Variants in NEK10 observed in about 807,000 individuals in gnomAD.
The protein encoded by NEK10 is serine/threonine-protein kinase Nek10.
Under a neutral mutation model 159.8 loss-of-function variants are expected in NEK10, and 122 were observed. The observed-to-expected ratio is 0.76, with a 90% confidence interval of 0.66 to 0.89. NEK10 has a LOEUF of 0.89. Among genes scored for constraint, NEK10 ranks in the 40% least tolerant of loss-of-function variants. The pLI is 0.00. For synonymous variants in NEK10, 466 were observed against 457.1 expected (o/e 1.02, Z -0.25); for missense variants, 1,342 against 1,323.1 (o/e 1.01, Z -0.22).
rs535089115 is a variant in NEK10 at position 27,312,143 on chromosome 3, T to C, written c.524A>G (p.Tyr175Cys). Residue 175 changes from tyrosine to cysteine, a missense_variant, in exon 8 of 36, where the codon TAT becomes TGT. Transcript: ENST00000691995. Reference sequence around the variant, plus strand: ...GTCCACAGTGTGCTGCTCTTCTCCATAGCCGAGGTACTCATTGGCTACAAT... The same window carrying C: ...GTCCACAGTGTGCTGCTCTTCTCCACAGCCGAGGTACTCATTGGCTACAAT... ...MEIVANEYLG[Y>C]GEEQHTVDKL... The C allele has an allele frequency of 4.3e-6, 7 of 1,612,440 alleles. No individual in the cohort carries two copies. The highest frequency in any genetic ancestry group is 4.0e-5 in the African/African-American group (3 of 75,028).
At chr3:27,251,270 G>A (rs1190422285) in intron 23 of NEK10, among the ~76,000 whole-genome samples, 4 of 152,112 alleles carry the variant, frequency 2.6e-5, no homozygotes, top group African/African-American at 2.4e-5. Flanking sequence ...CAATACCATG[G>A]TCTTTTTCCA....
chr3:27,239,087 G>A (rs1954278145), intron 23 of NEK10, among the ~76,000 whole-genome samples: 2 of 151,920 alleles, frequency 1.3e-5, no homozygotes, highest in African/African-American at 4.8e-5. Context: ...CCAATCAAAG[G>A]TACTTTCCAT....
intron 22 of NEK10, among the ~76,000 whole-genome samples, chr3:27,270,253 A>G (rs868505865): frequency 3.3e-5 from 5 of 152,296 alleles, no homozygotes; most frequent in Non-Finnish European, 2.9e-5. Context: ...AAGAGGTTAT[A>G]TAGAGAAGAG....
rs2042725371 is a variant in NEK10, at chr3:27,287,801, ACT to A, written c.1744-60_1744-59del. ...ACTGCTTCAAAATACAAGTTTTTTC[ACT>A]GACTACTTAGTTGGACTTCATATTT... On this transcript the variant is annotated intron_variant, in intron 19 of 35. Coordinates refer to ENST00000691995, the MANE Select transcript of NEK10 (RefSeq NM_001394966.1). 5.5e-6 allele frequency: 8 copies of A among 1,457,678 alleles called. No homozygotes were observed. In the Admixed American group the frequency reaches 1.7e-4, roughly 31 times the overall value. 90.3% of individuals were successfully genotyped at this position (1,457,678 alleles called of 1,614,324 possible).
chr3:27,141,648 A>C, intron 30 of NEK10, 66 bp from the exon 31 acceptor site: 1 of 1,259,216 alleles, frequency 7.9e-7, no homozygotes, highest in Non-Finnish European at 1.1e-6. Context: ...GAAAAAATGA[A>C]GTAAAATTCT....
chr3:27,136,402 G>A (rs752366817), intron 31 of NEK10, among the ~76,000 whole-genome samples: 8 of 151,884 alleles, frequency 5.3e-5, no homozygotes, highest in African/African-American at 1.2e-4. Flanking sequence ...GTGAGCCACC[G>A]CGCCCGGCCC....
intron 23 of NEK10, among the ~76,000 whole-genome samples, chr3:27,238,501 T>C (rs2149247890): frequency 6.6e-6 from 1 of 152,282 alleles, no homozygotes; most frequent in East Asian, 1.9e-4. Context: ...TTTTTTCAGA[T>C]TTGAAGTTTT....
At chr3:27,248,519 T>C (rs1955325914) in intron 23 of NEK10, among the ~76,000 whole-genome samples, 1 of 152,212 alleles carries the variant, frequency 6.6e-6, no homozygotes, top group Admixed American at 6.5e-5. Context: ...CTCTTGGTAC[T>C]ACTTTCACTG....
intron 23 of NEK10, among the ~76,000 whole-genome samples, chr3:27,203,829 G>T (rs1016711366): frequency 6.6e-6 from 1 of 152,246 alleles, no homozygotes; most frequent in Non-Finnish European, 1.5e-5. Flanking sequence ...GTATGTATTT[G>T]CAAAGAAAAG....
intron 32 of NEK10, among the ~76,000 whole-genome samples, chr3:27,120,832 T>C (rs2125448162): frequency 6.6e-6 from 1 of 152,308 alleles, no homozygotes; most frequent in African/African-American, 2.4e-5. Flanking sequence ...CCTTTCACCT[T>C]TAATTCCAAT....
At chr3:27,182,989 G>A (rs574454787) in intron 26 of NEK10, among the ~76,000 whole-genome samples, 1 of 152,068 alleles carries the variant, frequency 6.6e-6, no homozygotes, top group African/African-American at 2.4e-5. Flanking sequence ...AAGATAAAAG[G>A]AATAAGATTT....
chr3:27,167,530 G>C (rs545248281), intron 29 of NEK10, among the ~76,000 whole-genome samples: 2 of 152,292 alleles, frequency 1.3e-5, no homozygotes, highest in South Asian at 4.1e-4. Context: ...CCACTATACA[G>C]AGTATTTTAT....
chr3:27,304,279 C>T (rs2044062138), intron 12 of NEK10, among the ~76,000 whole-genome samples: 1 of 152,170 alleles, frequency 6.6e-6, no homozygotes, highest in Non-Finnish European at 1.5e-5. Flanking sequence ...GATTGTACAC[C>T]TGCTCCTTTC....
intron 12 of NEK10, among the ~76,000 whole-genome samples, chr3:27,302,220 G>A (rs2043884334): frequency 6.6e-6 from 1 of 152,088 alleles, no homozygotes; most frequent in African/African-American, 2.4e-5. Context: ...TCTTGGAAAT[G>A]TTTGGCCCTT....
chr3:27,261,202 T>C (rs2040383806), intron 22 of NEK10, among the ~76,000 whole-genome samples: 1 of 152,166 alleles, frequency 6.6e-6, no homozygotes, highest in African/African-American at 2.4e-5. Context: ...TTTGAAGGGT[T>C]TTTTTGTGTC....
chr3:27,153,481 C>A (rs1398952280), intron 30 of NEK10, among the ~76,000 whole-genome samples: 1 of 152,134 alleles, frequency 6.6e-6, no homozygotes. Flanking sequence ...CAGAACATTT[C>A]ATCCAACAAC....
intron 15 of NEK10, 111 bp from the exon 16 acceptor site, chr3:27,293,763 T>C (rs2043161762): frequency 3.5e-6 from 2 of 575,650 alleles, no homozygotes; most frequent in East Asian, 5.7e-5. Flanking sequence ...TGTAAGTGGC[T>C]GGTCCAAGTT....
intron 22 of NEK10, among the ~76,000 whole-genome samples, chr3:27,260,166 C>G (rs181613244): frequency 6.6e-6 from 1 of 152,126 alleles, no homozygotes; most frequent in Non-Finnish European, 1.5e-5. Flanking sequence ...CATCTGCAAA[C>G]GGGGACAATT....
rs1215056701 is a variant in NEK10 at position 27,304,839 on chromosome 3, G to A, written c.936C>T (p.Val312=). The A allele has an allele frequency of 6.2e-7, 1 of 1,613,832 alleles. No individual in the cohort carries two copies. Among genetic ancestry groups the A allele is most frequent in the South Asian group, 1.1e-5 (1 of 91,074 alleles). ...CCTCACAAACCTGTACCAGAATCCAGACAATGCTCCAGAGGAGCTTCAAGT... is the reference window on the plus strand; with the variant it reads ...CCTCACAAACCTGTACCAGAATCCAAACAATGCTCCAGAGGAGCTTCAAGT... The part of the protein sequence containing the change: ...SDHLKLLWSI[V]WILVQVCEDP... Residue 312 remains valine, a synonymous_variant, in exon 12 of 36, where the codon GTC becomes GTT. Transcript: ENST00000691995.
Sources: gnomAD v4.1 joint callset for allele counts (sites outside exome capture counted in the v4.1 genomes callset) on GRCh38, gnomAD v4.1.1 for gene constraint, MANE v1.5 for transcripts, NCBI Gene and HGNC (gene_info 2026-07-23, HGNC 2026-07-21) for gene names.